NCOR2: variants seen among roughly 807,000 people sequenced by gnomAD.
The protein encoded by NCOR2 is nuclear receptor corepressor 2.
Under a neutral mutation model 262.9 loss-of-function variants are expected in NCOR2, and 81 were observed. The observed-to-expected ratio is 0.31, with a 90% confidence interval of 0.26 to 0.37. NCOR2 has a LOEUF of 0.37. NCOR2 is among the 10% of genes least tolerant of loss of function. The pLI is 1.00. For synonymous variants in NCOR2, 1,659 were observed against 1,559.3 expected (o/e 1.06, Z -1.51); for missense variants, 3,385 against 3,621.4 (o/e 0.93, Z 1.68).
chr12:124,439,401 GGAGACAGAGACCCAGAGAGAGAGAGA>G (rs1565945826), intron 7 of NCOR2, among the ~76,000 whole-genome samples: 4 of 137,982 alleles, frequency 2.9e-5, no homozygotes, highest in African/African-American at 5.3e-5. Flanking sequence ...AGAGACAGAG[GGAGACAGAGACCCAGAGAGAGAGAGA>G]GAGAGACAGA....
At chr12:124,413,476 G>C (rs763899905) in intron 13 of NCOR2, among the ~76,000 whole-genome samples, 2 of 152,194 alleles carry the variant, frequency 1.3e-5, no homozygotes, top group African/African-American at 4.8e-5. Context: ...CTCCTGGGGG[G>C]TCTGTGGGGC....
At chr12:124,526,708 A>C (rs2050490453) in intron 1 of NCOR2, among the ~76,000 whole-genome samples, 1 of 152,138 alleles carries the variant, frequency 6.6e-6, no homozygotes, top group African/African-American at 2.4e-5. Context: ...CAGCAAAGCC[A>C]GCCTGGGGTG....
Position 124,549,804 on chromosome 12 carries a change from G to A in NCOR2, c.-164-14193C>T, listed in dbSNP as rs10846684. ...CGGAGGGAGAGAGGGCGGCAGGAAC[G>A]GGGCCTTGAGTCACCACCCTATCCC... On this transcript the variant is annotated intron_variant, in intron 1 of 32. Transcript: ENST00000458234. The surrounding 1 kb of genome is among the most constrained non-coding windows in gnomAD (Gnocchi z 4.4). 0.21 allele frequency among the ~76,000 whole-genome samples: 32,177 copies of A among 152,114 alleles called. 3,550 individuals are homozygous for A. The highest frequency in any genetic ancestry group is 0.25 in the South Asian group (1,202 of 4,820).
intron 21 of NCOR2, among the ~76,000 whole-genome samples, 170 bp from the exon 24 acceptor site, chr12:124,362,467 G>A (rs945553454): frequency 6.6e-5 from 10 of 152,240 alleles, no homozygotes; most frequent in African/African-American, 2.2e-4. Flanking sequence ...AGCACATGGG[G>A]AAGCCCACCT....
At chr12:124,459,387 C>A (rs2046046261) in intron 5 of NCOR2, among the ~76,000 whole-genome samples, 1 of 152,168 alleles carries the variant, frequency 6.6e-6, no homozygotes, top group African/African-American at 2.4e-5. Flanking sequence ...ACATCCCCTG[C>A]TCCCAGTGTT....
At chr12:124,428,044 A>AGTGTGTATGTGTGTGTGTGTGTGT (rs1941765182) in intron 10 of NCOR2, among the ~76,000 whole-genome samples, 23 of 112,398 alleles carry the variant, frequency 2.0e-4, no homozygotes, top group African/African-American at 5.9e-5. Flanking sequence ...CCATGTGGCC[A>AGTGTGTATGTGTGTGTGTGTGTGT]GTGTGTGTGT....
intron 3 of NCOR2, among the ~76,000 whole-genome samples, chr12:124,475,184 C>A (rs76358183): frequency 0.012 from 1,757 of 152,250 alleles, 42 homozygotes; most frequent in African/African-American, 0.041. Flanking sequence ...TCCACACACA[C>A]GGACTCCTCG....
intron 17 of NCOR2, chr12:124,383,535 A>C: frequency 2.2e-6 from 1 of 447,162 alleles, no homozygotes; most frequent in Non-Finnish European, 2.9e-6. Context: ...TTCCAACTCA[A>C]AAAAAAAAAA....
chr12:124,423,099 A>C (rs2043314160), intron 11 of NCOR2, among the ~76,000 whole-genome samples: 1 of 152,208 alleles, frequency 6.6e-6, no homozygotes, highest in South Asian at 2.1e-4. Flanking sequence ...CATGGACTTA[A>C]GTCGGAGGGC....
intron 12 of NCOR2, 117 bp downstream of exon 14, chr12:124,422,384 G>T (rs1283986950): frequency 8.2e-7 from 1 of 1,221,638 alleles, no homozygotes; most frequent in South Asian, 1.3e-5. Flanking sequence ...GGCAGCTGGA[G>T]CAAGGGGCCA....
chr12:124,417,684 C>A (rs1463311372), intron 13 of NCOR2, among the ~76,000 whole-genome samples: 1 of 152,232 alleles, frequency 6.6e-6, no homozygotes, highest in Admixed American at 6.5e-5. Context: ...GCCTCTCATA[C>A]CTCAGCATCT....
intron 1 of NCOR2, among the ~76,000 whole-genome samples, chr12:124,502,773 G>T (rs571378553): frequency 1.3e-5 from 2 of 152,318 alleles, no homozygotes; most frequent in South Asian, 4.1e-4. Flanking sequence ...GCGTCTCTGT[G>T]TTCAAAGGAC....
chr12:124,375,711 C>T (rs1695199569), intron 18 of NCOR2, among the ~76,000 whole-genome samples: 1 of 152,256 alleles, frequency 6.6e-6, no homozygotes, highest in African/African-American at 2.4e-5. Flanking sequence ...TTGGATAACC[C>T]CGCTATGCCT....
At chr12:124,558,810 G>T (rs954807247) in intron 1 of NCOR2, among the ~76,000 whole-genome samples, 1 of 152,244 alleles carries the variant, frequency 6.6e-6, no homozygotes, top group African/African-American at 2.4e-5. Context: ...ACGGGCCCCT[G>T]AATGCCCTTC....
At chr12:124,343,330 T>C in intron 32 of NCOR2, 104 bp from the exon 35 acceptor site, 1 of 837,676 alleles carries the variant, frequency 1.2e-6, no homozygotes, top group Non-Finnish European at 1.8e-6. Flanking sequence ...GTCTCTTCAT[T>C]CACTCCTTCA....
Position 124,346,521 on chromosome 12 carries a change from C to G in NCOR2, c.4359+43G>C, listed in dbSNP as rs2272370. ...GGGCAGTGCCCCACAGCCACCGCCA[C>G]CCCTCCTAGAACTGGGCCCGTGTGC... On this transcript the variant is annotated intron_variant, in intron 31 of 46. Transcript: ENST00000405201. 2.1e-6 allele frequency: 3 copies of G among 1,461,302 alleles called. No individual in the cohort carries two copies. In the Admixed American group the frequency reaches 7.3e-5, roughly 35 times the overall value. The allele number at this position is 1,461,302 out of a possible 1,614,324, so 90.5% of individuals were successfully genotyped here.
At chr12:124,373,594 C>T (rs1249869033) in intron 19 of NCOR2, among the ~76,000 whole-genome samples, 32 of 118,530 alleles carry the variant, frequency 2.7e-4, no homozygotes, top group African/African-American at 1.1e-3. Flanking sequence ...CCAGTGCGTG[C>T]GCAGGGGCCC....
At chr12:124,346,474 T>A in intron 31 of NCOR2, 90 bp downstream of exon 33, 2 of 1,330,420 alleles carry the variant, frequency 1.5e-6, no homozygotes, top group Non-Finnish European at 2.0e-6. Flanking sequence ...TCAGCCTCGG[T>A]TTCCCCATGT....
intron 16 of NCOR2, among the ~76,000 whole-genome samples, chr12:124,395,348 G>A (rs1234026410): frequency 6.6e-6 from 1 of 151,558 alleles, no homozygotes; most frequent in Non-Finnish European, 1.5e-5. Context: ...GCTCCCTCCT[G>A]CCATCGCCTG....
Sources: allele counts gnomAD v4.1 joint callset (sites outside exome capture counted in the v4.1 genomes callset), GRCh38; gene constraint gnomAD v4.1.1; non-coding constraint Gnocchi (gnomAD v3.1); transcripts MANE v1.5; gene names NCBI Gene and HGNC (gene_info 2026-07-23, HGNC 2026-07-21).